Variants in EPG5 observed in about 807,000 individuals in gnomAD.
EPG5 encodes ectopic P granules protein 5 homolog.
In EPG5, 159 loss-of-function variants were observed where a neutral mutation model predicts 302.7. That is an observed-to-expected ratio of 0.53 (90% CI 0.46 to 0.60). The LOEUF (loss-of-function observed/expected upper bound fraction) is 0.60. Ranked by LOEUF, EPG5 falls within the 20% of genes least tolerant of loss-of-function variation. EPG5 has a pLI of 0.00. For missense variants in EPG5, 2,896 were observed against 3,092.4 expected (o/e 0.94, Z 1.51); for synonymous variants, 1,158 against 1,136.8 (o/e 1.02, Z -0.37).
Position 45,860,277 on chromosome 18 carries a change from T to A in EPG5, c.6836A>T (p.Asn2279Ile). 6.2e-7 allele frequency: 1 copy of A among 1,614,214 alleles called. No homozygotes were observed. The highest frequency in any genetic ancestry group is 2.2e-5 in the East Asian group (1 of 44,886). Residue 2279 changes from asparagine to isoleucine, a missense_variant, in exon 40 of 44, where the codon AAC (asparagine) becomes ATC (isoleucine). Transcript: ENST00000282041. Reference protein sequence around the residue: ...LFMEVLMMMNNATIPTAEFLR... With the variant: ...LFMEVLMMMNIATIPTAEFLR... Reference sequence around the variant, plus strand: ...GAACTCTGCTGTTGGAATAGTCGCGTTGTTCATCATCATCAGGACTTCCAT... The same window carrying A: ...GAACTCTGCTGTTGGAATAGTCGCGATGTTCATCATCATCAGGACTTCCAT...
At chr18:45,842,933 T>G (rs2145090616), downstream of EPG5, 1 of 152,588 alleles carries the variant, frequency 6.6e-6, no homozygotes, top group South Asian at 2.1e-4. Flanking sequence ...TCCTGGAAAC[T>G]TGGTGGCAGG....
chr18:45,900,069 G>A (rs2049573076), intron 26 of EPG5, among the ~76,000 whole-genome samples: 2 of 152,134 alleles, frequency 1.3e-5, no homozygotes, highest in African/African-American at 2.4e-5. Flanking sequence ...CGCAACAAAT[G>A]CCTGGACCAA....
the EPG5 span, among the ~76,000 whole-genome samples, chr18:45,841,704 A>G: frequency 1.3e-5 from 2 of 152,222 alleles, no homozygotes; most frequent in East Asian, 3.9e-4. Flanking sequence ...AGATAAAGAC[A>G]AGAGGAGAAG....
the EPG5 span, among the ~76,000 whole-genome samples, chr18:45,810,752 G>A: frequency 6.6e-6 from 1 of 152,158 alleles, no homozygotes. Flanking sequence ...CTGCACCCTA[G>A]CCTAGGTGAC....
chr18:45,957,474 T>C (rs998260249), intron 1 of EPG5, among the ~76,000 whole-genome samples: 1 of 152,202 alleles, frequency 6.6e-6, no homozygotes, highest in African/African-American at 2.4e-5. Flanking sequence ...TGCAATGATG[T>C]TTAGCAAACT....
rs1189693692 is a variant in EPG5, at chr18:45,876,324, G to T, written c.5961C>A (p.Tyr1987Ter). The change falls in exon 35 of 44, where the codon TAC (tyrosine) becomes TAA (stop). Residue 1987 changes from tyrosine to a stop codon, truncating the protein, a stop_gained. Coordinates refer to ENST00000282041, the MANE Select transcript of EPG5 (RefSeq NM_020964.3). LOFTEE classifies it high-confidence loss of function. Reference sequence around the variant, plus strand: ...CCACAGTATCACTCTCTAGCCAGGGGTAATGCCGCTGTTGGCTGCTTTAAA... The same window carrying T: ...CCACAGTATCACTCTCTAGCCAGGGTTAATGCCGCTGTTGGCTGCTTTAAA... Reference protein sequence around the residue: ...EDNESSQQRHYPWLESDTVVA... With the variant: ...EDNESSQQRH 1.2e-6 allele frequency: 2 copies of T among 1,613,978 alleles called. No homozygotes were observed. Among genetic ancestry groups the T allele is most frequent in the Non-Finnish European group, 8.5e-7 (1 of 1,179,866 alleles).
intron 40 of EPG5, 89 bp from the exon 41 acceptor site, chr18:45,858,871 AT>A (rs139942774): frequency 0.041 from 30,330 of 731,788 alleles, no homozygotes; most frequent in East Asian, 0.087. Flanking sequence ...AAGCTTCATG[AT>A]TTTTTTTTTT....
chr18:45,845,539 C>A (rs2048356492), downstream of EPG5, among the ~76,000 whole-genome samples: 9 of 152,174 alleles, frequency 5.9e-5, no homozygotes, highest in Admixed American at 4.6e-4. Flanking sequence ...CCTGTCTTCC[C>A]CCACCCACCC....
intron 35 of EPG5, among the ~76,000 whole-genome samples, chr18:45,874,828 G>T (rs1470639552): frequency 1.3e-5 from 2 of 152,190 alleles, no homozygotes; most frequent in Non-Finnish European, 2.9e-5. Context: ...GTATTCAGTG[G>T]AAGAAAACAC....
chr18:45,829,796 A>G, the EPG5 span, among the ~76,000 whole-genome samples: 1 of 152,084 alleles, frequency 6.6e-6, no homozygotes, highest in Middle Eastern at 3.2e-3. Flanking sequence ...GAGGGCCACA[A>G]TGCTGTCCCT....
the EPG5 span, among the ~76,000 whole-genome samples, chr18:45,826,826 A>G: frequency 6.6e-6 from 1 of 152,216 alleles, no homozygotes; most frequent in Non-Finnish European, 1.5e-5. Flanking sequence ...GGGCAGTAAC[A>G]GCAAACCTCT....
chr18:45,889,679 G>T, intron 28 of EPG5, 119 bp downstream of exon 28: 1 of 828,378 alleles, frequency 1.2e-6, no homozygotes, highest in African/African-American at 1.7e-5. Context: ...GTAGTTTGCT[G>T]ATGTCTGTAC....
chr18:45,914,746 C>T (rs2049990583), intron 20 of EPG5, among the ~76,000 whole-genome samples: 1 of 152,180 alleles, frequency 6.6e-6, no homozygotes, highest in South Asian at 2.1e-4. Context: ...TGCAGTGCTG[C>T]TGGGCAGTCT....
chr18:45,889,140 T>C (rs1267136322), intron 28 of EPG5, among the ~76,000 whole-genome samples: 3 of 152,166 alleles, frequency 2.0e-5, no homozygotes, highest in Non-Finnish European at 4.4e-5. Context: ...CATCCTACTC[T>C]ACTGAGGGGA....
At chr18:45,915,908 GC>G in intron 19 of EPG5, 100 bp downstream of exon 19, 1 of 1,067,342 alleles carries the variant, frequency 9.4e-7, no homozygotes, top group Non-Finnish European at 1.3e-6. Flanking sequence ...GAAGGTAATG[GC>G]CACAGAGTAG....
At chr18:45,924,165 A>G (rs1027149379) in intron 14 of EPG5, among the ~76,000 whole-genome samples, 4 of 152,222 alleles carry the variant, frequency 2.6e-5, no homozygotes, top group Admixed American at 6.5e-5. Context: ...TTGCCTATCA[A>G]ATTTCCTACA....
chr18:45,899,411 G>GT lies in EPG5; in HGVS notation c.4801dup (p.Thr1601AsnfsTer5). 6.2e-7 allele frequency: 1 copy of GT among 1,614,102 alleles called. No individual in the cohort carries two copies. Among genetic ancestry groups the GT allele is most frequent in the Non-Finnish European group, 8.5e-7 (1 of 1,180,012 alleles). ...AGAAATTTAAACACTTACCTGAACC[G>GT]TGACAACTGCGGCTCCTTGGCATTT... On this transcript the variant is annotated frameshift_variant, in exon 27 of 44. Coordinates refer to ENST00000282041, the MANE Select transcript of EPG5 (RefSeq NM_020964.3). LOFTEE classifies it high-confidence loss of function.
rs2050790398 is a variant in EPG5 at position 45,946,722 on chromosome 18, G to C, written c.1618C>G (p.Pro540Ala). 2 of 1,614,164 alleles carry C rather than the reference G, an allele frequency of 1.2e-6. No homozygotes were observed. Among genetic ancestry groups the C allele is most frequent in the Admixed American group, 3.3e-5 (2 of 60,018 alleles). ...MCHMKPSERKPSSSGPGSGTW... is the reference protein window; with the variant it reads ...MCHMKPSERKASSSGPGSGTW... ...CCAGACCCAGGCCCTGAGGAGGATG[G>C]CTTCCGCTCGCTGGGCTTCATGTGG... The change falls in exon 7 of 44, where the codon CCA becomes GCA. Residue 540 changes from proline (P) to alanine (A), a missense_variant. This residue lies in a region of EPG5 where 1,390 missense variants were observed against 1,430.0 expected (regional missense o/e 0.97). Transcript: ENST00000282041.
At chr18:45,860,006 C>T (rs2048598925) in intron 40 of EPG5, 98 bp downstream of exon 40, 3 of 1,449,896 alleles carry the variant, frequency 2.1e-6, no homozygotes, top group East Asian at 4.6e-5. Flanking sequence ...TGGCAAATCC[C>T]TCACTGGGAA....
Sources: allele counts gnomAD v4.1 joint callset (sites outside exome capture counted in the v4.1 genomes callset), GRCh38; gene constraint gnomAD v4.1.1; regional missense constraint gnomAD v4.1.1; transcripts MANE v1.5; gene names NCBI Gene and HGNC (gene_info 2026-07-23, HGNC 2026-07-21).